The following TMPO variants were observed in gnomAD, a reference collection of about 807,000 sequenced individuals.
TMPO encodes LEM domain containing 4.
In TMPO, 22 loss-of-function variants were observed where a neutral mutation model predicts 45.4. The ratio of observed to expected loss-of-function variants is 0.48; its 90% CI spans 0.35 to 0.69. The LOEUF is 0.69. Among genes scored for constraint, TMPO ranks in the 30% least tolerant of loss-of-function variants. The pLI is 0.01. For synonymous variants in TMPO, 241 were observed against 204.1 expected, an observed-to-expected ratio of 1.18 and a Z score of -1.54; for missense variants, 512 against 548.8, an observed-to-expected ratio of 0.93 and a Z score of 0.67.
rs1878401957 is a variant in TMPO at position 98,549,362 on chromosome 12, A to G, written c.*1504A>G. 1 of 151,116 alleles carries G rather than the reference A, an allele frequency of 6.6e-6. No homozygotes were observed. The highest frequency in any genetic ancestry group is 6.6e-5 in the Admixed American group (1 of 15,104). The allele number at this position is 151,116 out of a possible 1,614,324, so 9.4% of individuals were successfully genotyped here. A position where few individuals can be genotyped will look rare whatever the true frequency, so the allele number is the denominator to read the frequency against. ...GCCTCGGCAGAGACGGGGTTTCACC[A>G]TGTTGGCCAGGCTGGTCTCGAACCC... is the stretch of plus-strand genomic sequence containing the variant. On this transcript the variant is annotated 3_prime_UTR_variant, in exon 9 of 9. Coordinates refer to ENST00000556029, the MANE Select transcript of TMPO (RefSeq NM_001032283.3).
chr12:98,546,361 G>T lies in TMPO; in HGVS notation c.993G>T (p.Val331=). ...APKKPLTRAE[V]GEKTEERRVE... ...TTTGTTTGTCTGTTTCTTATTAGGT[G>T]GGAGAAAAAACAGAGGAAAGAAGAG... The change falls in exon 8 of 9, where the codon GTG becomes GTT. Residue 331 remains valine, a splice_region_variant and synonymous_variant. Coordinates refer to ENST00000556029, the MANE Select transcript of TMPO (RefSeq NM_001032283.3). 1 of 1,606,600 alleles carries T rather than the reference G, an allele frequency of 6.2e-7. No individual in the cohort carries two copies. Among genetic ancestry groups the T allele is most frequent in the South Asian group, 1.1e-5 (1 of 90,906 alleles).
intron 1 of TMPO, among the ~76,000 whole-genome samples, chr12:98,517,415 A>C (rs1875944937): frequency 6.6e-6 from 1 of 152,214 alleles, no homozygotes; most frequent in African/African-American, 2.4e-5. Flanking sequence ...TAAAACTAGT[A>C]ATTGGTGTAA....
intron 1 of TMPO, chr12:98,527,591 C>T: frequency 9.4e-6 from 2 of 212,344 alleles, no homozygotes; most frequent in South Asian, 8.6e-5. Context: ...CTTTTAGTTG[C>T]TCTTTTGCAT....
Position 98,547,585 on chromosome 12 carries a change from C to T in TMPO, c.1092C>T (p.Arg364=), listed in dbSNP as rs1878302018. 6.2e-7 allele frequency: 1 copy of T among 1,614,154 alleles called. No individual in the cohort carries two copies. The highest frequency in any genetic ancestry group is 1.3e-5 in the African/African-American group (1 of 75,036). Residue 364 remains arginine, a synonymous_variant, in exon 9 of 9, where the codon CGC becomes CGT. Transcript: ENST00000556029. The part of the protein sequence containing the change: ...STPTGISASC[R]RPIKGAAGRP... ...TCACTCCCAACAGTGCTAGTTGCCG[C>T]AGACCAATCAAAGGGGCTGCAGGCC...
Position 98,547,955 on chromosome 12 carries a change from T to C in TMPO, c.*97T>C, listed in dbSNP as rs542319188. On this transcript the variant is annotated 3_prime_UTR_variant, in exon 9 of 9. Transcript: ENST00000556029. ...TGTTGACTCCAAGAACTAAAAATAA[T>C]GTGATTTCGCCTCAATAAATGTAGT... The C allele has an allele frequency of 1.5e-6, 2 of 1,373,718 alleles. No homozygotes were observed. The highest frequency in any genetic ancestry group is 2.3e-5 in the East Asian group (1 of 43,644). The allele number at this position is 1,373,718 out of a possible 1,614,324, so 85.1% of individuals were successfully genotyped here. A position where few individuals can be genotyped will look rare whatever the true frequency, so the allele number is the denominator to read the frequency against.
chr12:98,520,765 T>C (rs1307748345), intron 1 of TMPO, among the ~76,000 whole-genome samples: 1 of 151,530 alleles, frequency 6.6e-6, no homozygotes, highest in African/African-American at 2.4e-5. Context: ...TATGTATTTT[T>C]AGTAAAGACT....
chr12:98,535,532 T>C (rs1247049474), intron 3 of TMPO: 21 of 985,304 alleles, frequency 2.1e-5, no homozygotes, highest in Non-Finnish European at 2.5e-5. Context: ...TCTTCTGAAA[T>C]GTACATGTAT....
At chr12:98,527,529 A>AT (rs1311631494) in intron 1 of TMPO, 273 of 202,738 alleles carry the variant, frequency 1.3e-3, no homozygotes, top group Middle Eastern at 0.013. Flanking sequence ...TATCATTAAA[A>AT]AAAAAAAAAA....
chr12:98,517,011 A>T (rs1285276127), intron 1 of TMPO, among the ~76,000 whole-genome samples: 1 of 152,080 alleles, frequency 6.6e-6, no homozygotes, highest in Admixed American at 6.6e-5. Context: ...GGGTTTCTCC[A>T]AGTTGGTCAG....
chr12:98,535,596 C>T, intron 3 of TMPO: 1 of 985,324 alleles, frequency 1.0e-6, no homozygotes, highest in African/African-American at 1.7e-5. Context: ...CTGTAGAATG[C>T]TTCTGCAAAT....
rs869053389 is a variant in TMPO at position 98,536,357 on chromosome 12, A to AT, written c.566-1105dup. On this transcript the variant is annotated intron_variant, in intron 3 of 8. Transcript: ENST00000556029. ...CCATGATAAATGTCTACAAAAAGGG[A>AT]TTTTTTTTTTTTTGAAATGAAGTTT... Among the ~76,000 whole-genome samples, 628 of 146,490 alleles carry AT rather than the reference A, an allele frequency of 4.3e-3. 2 individuals are homozygous for AT. The highest frequency in any genetic ancestry group is 9.7e-3 in the African/African-American group (391 of 40,226).
intron 1 of TMPO, among the ~76,000 whole-genome samples, chr12:98,521,668 C>A (rs914638139): frequency 4.6e-5 from 7 of 151,966 alleles, no homozygotes; most frequent in Admixed American, 2.6e-4. Context: ...AGAGGCAGAG[C>A]CTGAAGGTGT....
chr12:98,544,494 C>G lies in TMPO; in HGVS notation c.836C>G (p.Thr279Ser), dbSNP rs745308329. ...RIDGPVISES[T>S]PIAETIMASS... is the part of the protein sequence containing the mutation. Reference sequence around the variant, plus strand: ...GATGGTCCAGTAATTTCAGAGAGTACTCCCATAGCTGAAACTATAATGGCT... The same window carrying G: ...GATGGTCCAGTAATTTCAGAGAGTAGTCCCATAGCTGAAACTATAATGGCT... Residue 279 changes from threonine (T) to serine (S), a missense_variant, in exon 6 of 9, where the codon ACT (threonine) becomes AGT (serine). By Grantham distance (58) the Thr-to-Ser change is moderately conservative. Transcript: ENST00000556029. The G allele has an allele frequency of 2.5e-6, 4 of 1,613,888 alleles. No homozygotes were observed. In the Admixed American group the frequency reaches 6.7e-5, roughly 27 times the overall value.
chr12:98,525,938 A>G (rs1234132377), intron 1 of TMPO, among the ~76,000 whole-genome samples: 1 of 151,974 alleles, frequency 6.6e-6, no homozygotes, highest in African/African-American at 2.4e-5. Context: ...CCATTGTTTA[A>G]TTAGCCATTT....
At chr12:98,534,044 A>G in intron 3 of TMPO, 2 of 1,608,642 alleles carry the variant, frequency 1.2e-6, no homozygotes, top group Non-Finnish European at 1.7e-6. Context: ...ATGCAGGCAG[A>G]CATTAGTCAA....
At chr12:98,519,344 G>A (rs530496911) in intron 1 of TMPO, among the ~76,000 whole-genome samples, 1 of 152,026 alleles carries the variant, frequency 6.6e-6, no homozygotes, top group Non-Finnish European at 1.5e-5. Flanking sequence ...GATTACAGGC[G>A]TATACTACTA....
At chr12:98,536,088 T>A (rs2121219413) in intron 3 of TMPO, among the ~76,000 whole-genome samples, 1 of 152,282 alleles carries the variant, frequency 6.6e-6, no homozygotes, top group East Asian at 1.9e-4. Flanking sequence ...TAAACTAACT[T>A]GATAAAAATC....
chr12:98,537,407 A>T, intron 3 of TMPO, 68 bp from the exon 4 acceptor site: 1 of 1,334,170 alleles, frequency 7.5e-7, no homozygotes. Flanking sequence ...TTCCCGATTA[A>T]TATTAGGATA....
In TMPO at chr12:98,544,541, AAT is replaced by A; in HGVS notation, c.879+7_879+8del. On this transcript the variant is annotated splice_donor_5th_base_variant and intron_variant, in intron 6 of 8. Transcript: ENST00000556029. Reference sequence around the variant, plus strand: ...GGCTTCAAGCAACGAATCCTTAGTAAATATGTTTCATAAACTATACAAGTGGT... The same window carrying A: ...GGCTTCAAGCAACGAATCCTTAGTAAATGTTTCATAAACTATACAAGTGGT... The A allele has an allele frequency of 1.9e-6, 3 of 1,602,396 alleles. No homozygotes were observed. Among genetic ancestry groups the A allele is most frequent in the Non-Finnish European group, 1.7e-6 (2 of 1,169,552 alleles).
Sources: gnomAD v4.1 joint callset for allele counts (sites outside exome capture counted in the v4.1 genomes callset) on GRCh38, gnomAD v4.1.1 for gene constraint, MANE v1.5 for transcripts, NCBI Gene and HGNC (gene_info 2026-07-23, HGNC 2026-07-21) for gene names.